The following KSR2 variants were observed in gnomAD, a reference collection of about 807,000 sequenced individuals.
The protein encoded by KSR2 is kinase suppressor of ras 2.
A neutral mutation model predicts 107.8 loss-of-function variants in KSR2; 25 were observed. That is an observed-to-expected ratio of 0.23 (90% CI 0.17 to 0.32). The LOEUF (loss-of-function observed/expected upper bound fraction) is 0.32. Ranked by LOEUF, KSR2 falls within the 10% of genes least tolerant of loss-of-function variation. The pLI is 1.00. For missense variants in KSR2, 887 were observed against 1,268.9 expected (o/e 0.70, Z 4.57); for synonymous variants, 480 against 507.0 (o/e 0.95, Z 0.71).
intron 3 of KSR2, among the ~76,000 whole-genome samples, chr12:117,847,079 C>A (rs920430064): frequency 1.3e-5 from 2 of 152,246 alleles, no homozygotes; most frequent in Non-Finnish European, 2.9e-5. Context: ...GCCTACAGAA[C>A]AGGAGGGCTG....
At chr12:117,592,475 CA>C (rs1196296079) in intron 5 of KSR2, among the ~76,000 whole-genome samples, 1 of 152,128 alleles carries the variant, frequency 6.6e-6, no homozygotes, top group Non-Finnish European at 1.5e-5. Context: ...AGGTAACCAT[CA>C]AGCTAGGATC....
At chr12:117,552,947 T>A (rs1877404258) in intron 9 of KSR2, among the ~76,000 whole-genome samples, 1 of 152,238 alleles carries the variant, frequency 6.6e-6, no homozygotes, top group South Asian at 2.1e-4. Context: ...GACAAACCAT[T>A]CCCTCTGCTC....
chr12:117,892,258 C>T (rs1372633629), intron 1 of KSR2, among the ~76,000 whole-genome samples: 1 of 152,076 alleles, frequency 6.6e-6, no homozygotes, highest in African/African-American at 2.4e-5. Flanking sequence ...GAGCTGAGAT[C>T]GCGCCACTGC....
At chr12:117,602,636 G>A (rs1275826696) in intron 5 of KSR2, among the ~76,000 whole-genome samples, 2 of 152,122 alleles carry the variant, frequency 1.3e-5, no homozygotes, top group Non-Finnish European at 2.9e-5. Flanking sequence ...AGCACCATTT[G>A]TTTATCCACT....
intron 8 of KSR2, among the ~76,000 whole-genome samples, chr12:117,556,115 G>A (rs1877678554): frequency 6.6e-6 from 1 of 151,784 alleles, no homozygotes; most frequent in South Asian, 2.1e-4. Flanking sequence ...TCCAACCAAC[G>A]GAGAGAAAAA....
intron 5 of KSR2, among the ~76,000 whole-genome samples, chr12:117,658,310 A>T (rs1565947801): frequency 6.6e-6 from 1 of 152,252 alleles, no homozygotes; most frequent in Non-Finnish European, 1.5e-5. Flanking sequence ...TTTGGGTCAA[A>T]GTGGATACAG....
intron 14 of KSR2, among the ~76,000 whole-genome samples, chr12:117,518,972 T>C (rs1001794536): frequency 1.3e-5 from 2 of 152,230 alleles, no homozygotes; most frequent in Non-Finnish European, 2.9e-5. Context: ...CTTATTACGA[T>C]GCTTTAATGA....
In KSR2 at chr12:117,622,190, A is replaced by AT. The variant is rs553862728; in HGVS notation, c.1172-39832dup. ...TCTCTACATCTCTCTGCACTTCTAT[A>AT]TTTTTTTTTTGTTTAAGTATGGTGG... is the stretch of plus-strand genomic sequence containing the variant. On this transcript the variant is annotated intron_variant, in intron 5 of 19. Coordinates refer to ENST00000339824, the MANE Select transcript of KSR2 (RefSeq NM_173598.6). Among the ~76,000 whole-genome samples, 619 of 149,526 alleles carry AT rather than the reference A, an allele frequency of 4.1e-3. 5 individuals carry two copies. The highest frequency in any genetic ancestry group is 0.012 in the African/African-American group (476 of 40,838).
intron 3 of KSR2, among the ~76,000 whole-genome samples, chr12:117,828,281 T>G (rs2723285): frequency 1.3e-5 from 2 of 151,980 alleles, no homozygotes; most frequent in African/African-American, 4.8e-5. Flanking sequence ...AATCACTTGT[T>G]TCAACCTATG....
intron 3 of KSR2, among the ~76,000 whole-genome samples, chr12:117,795,478 G>A (rs1445532479): frequency 1.3e-5 from 2 of 152,106 alleles, no homozygotes; most frequent in Non-Finnish European, 2.9e-5. Flanking sequence ...AGGATTGTCA[G>A]GACACCAAGA....
At chr12:117,637,378 A>G (rs1883142481) in intron 5 of KSR2, among the ~76,000 whole-genome samples, 1 of 151,888 alleles carries the variant, frequency 6.6e-6, no homozygotes, top group South Asian at 2.1e-4. Flanking sequence ...CTGTAATGGT[A>G]GGTGCCAAGA....
chr12:117,521,271 T>C (rs1487727103), intron 14 of KSR2, among the ~76,000 whole-genome samples: 1 of 152,152 alleles, frequency 6.6e-6, no homozygotes, highest in Non-Finnish European at 1.5e-5. Context: ...CAAACACAGC[T>C]CATTATCAGA....
intron 1 of KSR2, among the ~76,000 whole-genome samples, chr12:117,940,550 G>A (rs1410294260): frequency 6.6e-6 from 1 of 152,158 alleles, no homozygotes; most frequent in African/African-American, 2.4e-5. Context: ...GAATTCAGTG[G>A]TGTACTGCAG....
At chr12:117,716,435 C>A (rs192187685) in intron 4 of KSR2, among the ~76,000 whole-genome samples, 21 of 152,264 alleles carry the variant, frequency 1.4e-4, no homozygotes, top group Admixed American at 1.2e-3. Context: ...TCTAAGTATA[C>A]AATGCACACC....
intron 5 of KSR2, among the ~76,000 whole-genome samples, chr12:117,598,038 T>C (rs1880742880): frequency 8.3e-6 from 1 of 120,308 alleles, no homozygotes; most frequent in Non-Finnish European, 1.8e-5. Flanking sequence ...TTTGGTTACA[T>C]GGATAAGTTC....
intron 5 of KSR2, among the ~76,000 whole-genome samples, chr12:117,622,803 A>G (rs1882261241): frequency 6.6e-6 from 1 of 152,226 alleles, no homozygotes; most frequent in African/African-American, 2.4e-5. Context: ...TACACACTCA[A>G]TAGATATTTC....
At chr12:117,741,021 T>A (rs695084) in intron 4 of KSR2, among the ~76,000 whole-genome samples, 136,306 of 152,144 alleles carry the variant, frequency 0.9, 61,365 homozygotes, top group African/African-American at 0.97. Context: ...ACTTATTCAC[T>A]CTTCTATCTC....
chr12:117,457,728 G>T lies in KSR2; in HGVS notation c.*9471C>A, dbSNP rs568384004. Reference sequence around the variant, plus strand: ...GTACCAGGTGCTACTGGTATCTTGTGGGGAGAGTTGAGGAAGCTGCTTAAC... The same window carrying T: ...GTACCAGGTGCTACTGGTATCTTGTTGGGAGAGTTGAGGAAGCTGCTTAAC... On this transcript the variant is annotated 3_prime_UTR_variant, in exon 20 of 20. Transcript: ENST00000339824. 8.5e-5 allele frequency: 13 copies of T among 152,340 alleles called. No individual in the cohort carries two copies. The East Asian group carries it at 2.5e-3, about 29-fold the overall frequency. The allele number at this position is 152,340 out of a possible 1,614,324, so 9.4% of individuals were successfully genotyped here.
At chr12:117,632,765 T>C (rs4767590) in intron 5 of KSR2, among the ~76,000 whole-genome samples, 138,557 of 151,940 alleles carry the variant, frequency 0.91, 63,403 homozygotes, top group East Asian at 0.99. Context: ...GTTTAGCTCT[T>C]AAGTATAAGT....
Sources: allele counts gnomAD v4.1 joint callset (sites outside exome capture counted in the v4.1 genomes callset), GRCh38; gene constraint gnomAD v4.1.1; transcripts MANE v1.5; gene names NCBI Gene and HGNC (gene_info 2026-07-23, HGNC 2026-07-21).